The following ARL17B variants were observed in gnomAD, a reference collection of about 807,000 sequenced individuals.
The protein encoded by ARL17B is ARF like GTPase 17B.
chr17:46,332,686 G>C (rs2052048037), downstream of ARL17B: 1 of 876,066 alleles, frequency 1.1e-6, no homozygotes, highest in Non-Finnish European at 1.8e-6. Context: ...CAGGTTTTCA[G>C]AATGCAGTCC....
At chr17:46,281,526 C>T (rs2049762404) in intron 4 of ARL17B, among the ~76,000 whole-genome samples, 1 of 152,132 alleles carries the variant, frequency 6.6e-6, no homozygotes, top group South Asian at 2.1e-4. Context: ...AACTCCTGGG[C>T]ACAAGTGATC....
intron 4 of ARL17B, among the ~76,000 whole-genome samples, chr17:46,281,362 C>T (rs1027778502): frequency 5.9e-5 from 9 of 151,770 alleles, no homozygotes; most frequent in African/African-American, 1.9e-4. Flanking sequence ...TCCCGTGACT[C>T]GCATCAGCTC....
intron 4 of ARL17B, among the ~76,000 whole-genome samples, chr17:46,283,498 A>G (rs1442489719): frequency 6.6e-6 from 1 of 152,250 alleles, no homozygotes; most frequent in Non-Finnish European, 1.5e-5. Context: ...TCAGTTTTAA[A>G]TGCGATACAT....
intron 4 of ARL17B, among the ~76,000 whole-genome samples, chr17:46,285,131 A>T (rs1168081444): frequency 6.6e-6 from 1 of 152,212 alleles, no homozygotes; most frequent in Non-Finnish European, 1.5e-5. Context: ...GGCCTCCCAA[A>T]GTGCTGGGAT....
intron 4 of ARL17B, among the ~76,000 whole-genome samples, chr17:46,289,899 C>G (rs2050019561): frequency 6.6e-6 from 1 of 152,226 alleles, no homozygotes; most frequent in South Asian, 2.1e-4. Context: ...GGCGGAAGAT[C>G]ACTTGCGTCC....
intron 3 of ARL17B, among the ~76,000 whole-genome samples, chr17:46,341,030 C>T (rs1227874747): frequency 4.4e-5 from 3 of 67,846 alleles, no homozygotes; most frequent in African/African-American, 1.5e-4. Flanking sequence ...TGGGAGTCCC[C>T]GCGCCCGGCA....
intron 4 of ARL17B, among the ~76,000 whole-genome samples, chr17:46,288,303 G>A (rs113725307): frequency 0.032 from 3,778 of 119,792 alleles, no homozygotes; most frequent in Middle Eastern, 0.067. Flanking sequence ...CACCAGGCCC[G>A]GCTTTTTTTT....
chr17:46,274,576 T>C (rs1355117522), downstream of ARL17B, among the ~76,000 whole-genome samples: 1 of 152,246 alleles, frequency 6.6e-6, no homozygotes, highest in Non-Finnish European at 1.5e-5. Flanking sequence ...ATGGATTATA[T>C]GTAACCGTGG....
chr17:46,282,201 C>CAT (rs2049782170), intron 4 of ARL17B, among the ~76,000 whole-genome samples: 1 of 152,122 alleles, frequency 6.6e-6, no homozygotes, highest in Non-Finnish European at 1.5e-5. Context: ...CTCCCGGGTT[C>CAT]ATGCCATTCT....
chr17:46,282,581 ATTT>A (rs66586772), intron 4 of ARL17B, among the ~76,000 whole-genome samples: 14,433 of 133,748 alleles, frequency 0.11, 1 homozygote, highest in Middle Eastern at 0.18. Context: ...AGCCTGGTTA[ATTT>A]TTTTTTTTTT....
At chr17:46,290,427 C>A (rs565990122) in intron 4 of ARL17B, among the ~76,000 whole-genome samples, 1 of 152,262 alleles carries the variant, frequency 6.6e-6, no homozygotes, top group South Asian at 2.1e-4. Flanking sequence ...ACTCTCTTGG[C>A]CTATAAATGA....
chr17:46,283,393 GC>G (rs2049822503), intron 4 of ARL17B, among the ~76,000 whole-genome samples: 1 of 152,214 alleles, frequency 6.6e-6, no homozygotes, highest in Admixed American at 6.5e-5. Context: ...CATCTTATGG[GC>G]CTATAATGAA....
At chr17:46,355,083 GAA>G in intron 2 of ARL17B, among the ~76,000 whole-genome samples, 1 of 11,700 alleles carries the variant, frequency 8.5e-5, no homozygotes, top group Admixed American at 6.3e-4. Flanking sequence ...AGGAAGGGAG[GAA>G]GGGAGGAAGG....
intron 4 of ARL17B, among the ~76,000 whole-genome samples, chr17:46,286,861 C>A (rs537907508): frequency 2.0e-5 from 3 of 152,242 alleles, no homozygotes; most frequent in African/African-American, 7.2e-5. Context: ...TGCCCATTTA[C>A]AATCATTACA....
chr17:46,277,653 C>CTTTCTTTCTT (rs143961379), intron 4 of ARL17B, among the ~76,000 whole-genome samples: 25 of 137,886 alleles, frequency 1.8e-4, no homozygotes, highest in Non-Finnish European at 2.6e-4. Flanking sequence ...TTCTTTCTTT[C>CTTTCTTTCTT]TTTTTTTTTT....
At chr17:46,289,784 A>C (rs1461484905) in intron 4 of ARL17B, among the ~76,000 whole-genome samples, 1 of 152,262 alleles carries the variant, frequency 6.6e-6, no homozygotes, top group East Asian at 1.9e-4. Flanking sequence ...AAGAGTTTTT[A>C]ATTTTTTTAA....
rs1193941628 is a variant in ARL17B at position 46,325,587 on chromosome 17, A to C, written c.260-25922T>G. Among the ~76,000 whole-genome samples, 3 of 81,618 alleles carry C rather than the reference A, an allele frequency of 3.7e-5. 1 individual carries two copies. Among genetic ancestry groups the C allele is most frequent in the African/African-American group, 9.4e-5 (3 of 32,042 alleles). The allele number at this position is 81,618 out of a possible 152,430, so 53.5% of individuals were successfully genotyped here. On this transcript the variant is annotated intron_variant, in intron 3 of 4. Coordinates refer to the ARL17B transcript ENST00000434041. ...AGTGTAATGTCTGATGTTTGATTGG[A>C]TTCTGAATTTTTTAAGCCATGTTAT...
downstream of ARL17B, among the ~76,000 whole-genome samples, chr17:46,332,880 G>T (rs1056052): frequency 6.6e-6 from 1 of 151,178 alleles, no homozygotes; most frequent in Non-Finnish European, 1.5e-5. Context: ...GAAACCAAGT[G>T]AATCCCACTA....
intron 3 of ARL17B, among the ~76,000 whole-genome samples, chr17:46,304,789 CTTTTAT>C (rs778004572): frequency 1.9e-5 from 1 of 52,350 alleles, no homozygotes; most frequent in Non-Finnish European, 6.7e-5. Flanking sequence ...GAAAGGATGT[CTTTTAT>C]TTCTTCTGAT....
Sources: allele counts gnomAD v4.1 joint callset (sites outside exome capture counted in the v4.1 genomes callset), GRCh38; gene constraint gnomAD v4.1.1; transcripts MANE v1.5; gene names NCBI Gene and HGNC (gene_info 2026-07-23, HGNC 2026-07-21).